Variants in FBXL13 observed in about 807,000 individuals in gnomAD.
FBXL13 encodes the protein F-box and leucine-rich repeat protein 13.
In FBXL13, 67 loss-of-function variants were observed where a neutral mutation model predicts 83.6. That is an observed-to-expected ratio of 0.80 (90% CI 0.66 to 0.98). The LOEUF is 0.98. FBXL13 is among the 50% of genes least tolerant of loss of function. The pLI is 0.00. For missense variants in FBXL13, 822 were observed against 866.5 expected, an observed-to-expected ratio of 0.95 and a Z score of 0.64; for synonymous variants, 272 against 299.5, an observed-to-expected ratio of 0.91 and a Z score of 0.95.
chr7:103,059,128 A>G (rs535615926), intron 1 of FBXL13, among the ~76,000 whole-genome samples: 1 of 152,218 alleles, frequency 6.6e-6, no homozygotes, highest in African/African-American at 2.4e-5. Flanking sequence ...AAATTAGCTG[A>G]GCATGGTGGC....
At chr7:102,995,252 C>T (rs1269243837) in intron 6 of FBXL13, among the ~76,000 whole-genome samples, 3 of 151,788 alleles carry the variant, frequency 2.0e-5, no homozygotes, top group Non-Finnish European at 2.9e-5. Flanking sequence ...GAGGCCAAGG[C>T]GGGCAGATCA....
At chr7:103,045,510 C>T (rs940828060) in intron 2 of FBXL13, among the ~76,000 whole-genome samples, 1 of 152,146 alleles carries the variant, frequency 6.6e-6, no homozygotes, top group African/African-American at 2.4e-5. Flanking sequence ...TACTGGGAAA[C>T]AGTAGAACAT....
chr7:102,996,041 C>T (rs1789751009), intron 6 of FBXL13, among the ~76,000 whole-genome samples: 1 of 152,082 alleles, frequency 6.6e-6, no homozygotes, highest in Non-Finnish European at 1.5e-5. Context: ...TTTTAAAGAT[C>T]AAAGGCCAAG....
intron 2 of FBXL13, among the ~76,000 whole-genome samples, chr7:103,034,547 G>A (rs1794880261): frequency 6.6e-6 from 1 of 152,222 alleles, no homozygotes; most frequent in South Asian, 2.1e-4. Context: ...TGGCCCGCAA[G>A]CACAGTGGGC....
chr7:102,953,329 C>G (rs1393964855), intron 8 of FBXL13, among the ~76,000 whole-genome samples: 2 of 151,804 alleles, frequency 1.3e-5, no homozygotes, highest in Non-Finnish European at 2.9e-5. Context: ...CAAGACTGAT[C>G]TCAGGCATTC....
At chr7:102,864,990 T>C (rs911741199) in intron 16 of FBXL13, among the ~76,000 whole-genome samples, 6 of 152,238 alleles carry the variant, frequency 3.9e-5, no homozygotes, top group African/African-American at 1.4e-4. Context: ...CTTTTAACTA[T>C]ACAGTGATGT....
exon 2 of FBXL13, chr7:103,055,710 T>A (rs1039423477): frequency 3.9e-6 from 5 of 1,285,588 alleles, no homozygotes; most frequent in Non-Finnish European, 5.1e-6. Flanking sequence ...CCTCAGCGGA[T>A]CCTCAGGACA....
intron 12 of FBXL13, 33 bp from the exon 14 acceptor site, chr7:102,883,718 G>C: frequency 2.9e-6 from 4 of 1,362,686 alleles, no homozygotes; most frequent in Non-Finnish European, 4.2e-6. Context: ...AATTAATCAA[G>C]TGTACAGAAC....
chr7:103,012,392 A>G (rs1342421063), intron 6 of FBXL13, among the ~76,000 whole-genome samples: 2 of 151,378 alleles, frequency 1.3e-5, no homozygotes, highest in Non-Finnish European at 2.9e-5. Context: ...AAAAAAAAAA[A>G]GGACAGCTAG....
At chr7:103,000,949 G>A (rs116962175) in intron 6 of FBXL13, among the ~76,000 whole-genome samples, 4,118 of 151,626 alleles carry the variant, frequency 0.027, 99 homozygotes, top group Non-Finnish European at 0.036. Context: ...TTGTTTTGTC[G>A]TTGCTGTTGT....
intron 8 of FBXL13, among the ~76,000 whole-genome samples, chr7:102,951,302 A>G (rs1823350972): frequency 6.6e-6 from 1 of 151,488 alleles, no homozygotes; most frequent in Admixed American, 6.6e-5. Context: ...CCCCATCTCC[A>G]CTAGCAGAGG....
intron 6 of FBXL13, among the ~76,000 whole-genome samples, chr7:102,996,082 A>G (rs1789754135): frequency 6.6e-6 from 1 of 152,222 alleles, no homozygotes; most frequent in African/African-American, 2.4e-5. Context: ...TCATATTGCT[A>G]GTAAACAGTT....
intron 1 of FBXL13, among the ~76,000 whole-genome samples, chr7:103,060,064 A>ATATATATC (rs71110809): frequency 1.2e-5 from 1 of 81,924 alleles, no homozygotes; most frequent in Non-Finnish European, 2.5e-5. Flanking sequence ...ATATATATAT[A>ATATATATC]CTTTTTTTTT....
chr7:103,058,947 G>A (rs1797598263), intron 1 of FBXL13, among the ~76,000 whole-genome samples: 1 of 152,196 alleles, frequency 6.6e-6, no homozygotes, highest in Non-Finnish European at 1.5e-5. Flanking sequence ...GAGTTGAAAT[G>A]CACACTTTTC....
chr7:103,070,562 T>G (rs1798850885), intron 1 of FBXL13, among the ~76,000 whole-genome samples: 1 of 152,200 alleles, frequency 6.6e-6, no homozygotes, highest in Admixed American at 6.5e-5. Flanking sequence ...TTTGCACGGC[T>G]ATAAAGAAAT....
chr7:102,834,577 A>G (rs1801536294), intron 17 of FBXL13: 1 of 151,716 alleles, frequency 6.6e-6, no homozygotes, highest in Admixed American at 6.6e-5. Flanking sequence ...TGCTTGGCAC[A>G]TAGTAAGCAC....
At chr7:102,840,285 TA>T (rs1802694394) in intron 17 of FBXL13, among the ~76,000 whole-genome samples, 1 of 152,202 alleles carries the variant, frequency 6.6e-6, no homozygotes, top group Admixed American at 6.5e-5. Context: ...CTCTCCAAAA[TA>T]AAAATGAACC....
At chr7:102,832,793 G>A (rs761990006) in intron 18 of FBXL13, 47 bp downstream of exon 19, 2 of 1,610,492 alleles carry the variant, frequency 1.2e-6, no homozygotes, top group South Asian at 2.2e-5. Context: ...CTTGTCCCTT[G>A]GCAGTGCTTA....
chr7:103,004,518 C>G (rs1403269450), intron 6 of FBXL13, among the ~76,000 whole-genome samples: 2 of 152,166 alleles, frequency 1.3e-5, no homozygotes, highest in African/African-American at 2.4e-5. Flanking sequence ...TGGGGTTGCT[C>G]TTTGTCTCTA....
Sources: gnomAD v4.1 joint callset for allele counts (sites outside exome capture counted in the v4.1 genomes callset) on GRCh38, gnomAD v4.1.1 for gene constraint, MANE v1.5 for transcripts, NCBI Gene and HGNC (gene_info 2026-07-23, HGNC 2026-07-21) for gene names.